Variants in LRRC75A observed in about 807,000 individuals in gnomAD.
LRRC75A encodes leucine-rich repeat-containing protein 75A.
Under a neutral mutation model 26.0 loss-of-function variants are expected in LRRC75A, and 12 were observed. The ratio of observed to expected loss-of-function variants is 0.46; its 90% CI spans 0.30 to 0.75. LRRC75A has a LOEUF of 0.75. Ranked by LOEUF, LRRC75A falls within the 30% of genes least tolerant of loss-of-function variation. LRRC75A has a pLI of 0.08. For missense variants in LRRC75A, 410 were observed against 486.6 expected (o/e 0.84, Z 1.48); for synonymous variants, 223 against 219.3 (o/e 1.02, Z -0.15).
chr17:16,474,206 T>G (rs895377451), intron 1 of LRRC75A, among the ~76,000 whole-genome samples: 1 of 152,152 alleles, frequency 6.6e-6, no homozygotes, highest in African/African-American at 2.4e-5. Context: ...TAAGTCACTG[T>G]GTGGCCCTGG....
At chr17:16,486,146 C>T (rs1403978119) in intron 1 of LRRC75A, among the ~76,000 whole-genome samples, 1 of 152,108 alleles carries the variant, frequency 6.6e-6, no homozygotes, top group Non-Finnish European at 1.5e-5. Flanking sequence ...GGCCTCTGCC[C>T]CAGAAAAGCA....
At chr17:16,444,165 CA>C in intron 3 of LRRC75A, 34 bp from the exon 4 acceptor site, 1 of 1,529,148 alleles carries the variant, frequency 6.5e-7, no homozygotes, top group Non-Finnish European at 8.8e-7. Context: ...GGCTCAGGCA[CA>C]TAGGGCAGGC....
chr17:16,450,380 T>C (rs11078343), intron 2 of LRRC75A, among the ~76,000 whole-genome samples: 29,433 of 152,182 alleles, frequency 0.19, 3,607 homozygotes, highest in Middle Eastern at 0.3. Flanking sequence ...GGCCCGAGAC[T>C]GAACAGAACG....
At chr17:16,485,669 T>TGTGTGTGTGTGTGTGTGTGTGTGTGTG (rs1555893680) in intron 1 of LRRC75A, among the ~76,000 whole-genome samples, 5 of 114,242 alleles carry the variant, frequency 4.4e-5, no homozygotes, top group African/African-American at 1.2e-4. Context: ...TGTGTGTGTG[T>TGTGTGTGTGTGTGTGTGTGTGTGTGTG]TCGTGTGTGT....
At chr17:16,469,004 G>A (rs2093790205) in intron 1 of LRRC75A, among the ~76,000 whole-genome samples, 1 of 152,202 alleles carries the variant, frequency 6.6e-6, no homozygotes, top group Non-Finnish European at 1.5e-5. Flanking sequence ...GCCACCATGT[G>A]TCTAGTGGCG....
chr17:16,447,303 G>A (rs1424034419), intron 3 of LRRC75A, among the ~76,000 whole-genome samples: 1 of 149,796 alleles, frequency 6.7e-6, no homozygotes, highest in Non-Finnish European at 1.5e-5. Context: ...TCCCCCTGGG[G>A]ACATCTGAGA....
At chr17:16,465,760 G>A (rs73980141) in intron 1 of LRRC75A, among the ~76,000 whole-genome samples, 4,422 of 152,284 alleles carry the variant, frequency 0.029, 202 homozygotes, top group African/African-American at 0.1. Flanking sequence ...GTCTCCCCGC[G>A]CCATCCCCCT....
intron 1 of LRRC75A, among the ~76,000 whole-genome samples, chr17:16,475,079 T>C (rs1314721834): frequency 4.6e-5 from 7 of 151,858 alleles, no homozygotes; most frequent in Admixed American, 2.6e-4. Context: ...AGGAACGACT[T>C]AGAGGATCCT....
At chr17:16,483,506 T>C (rs1317575678) in intron 1 of LRRC75A, among the ~76,000 whole-genome samples, 5 of 152,168 alleles carry the variant, frequency 3.3e-5, no homozygotes, top group Non-Finnish European at 7.3e-5. Flanking sequence ...TGAATCTGGC[T>C]CAGGGCCTGG....
At chr17:16,460,785 C>T (rs893369713) in intron 2 of LRRC75A, 11 of 152,332 alleles carry the variant, frequency 7.2e-5, no homozygotes, top group African/African-American at 2.7e-4. Context: ...CATCGCCTTT[C>T]ACCCTCTCAT....
Position 16,447,765 on chromosome 17 carries a change from C to T in LRRC75A, c.491+80G>A, listed in dbSNP as rs1234503096. On this transcript the variant is annotated intron_variant, in intron 3 of 3. Coordinates refer to ENST00000470794, the MANE Select transcript of LRRC75A (RefSeq NM_001113567.3). ...ACCACCCCCCATGACTCCGCCCTTC[C>T]CTTCCCTACATCCCTGGGAGGGGTG... 2.0e-5 allele frequency: 22 copies of T among 1,112,720 alleles called. No homozygotes were observed. In the Admixed American group the frequency reaches 5.4e-4, roughly 27 times the overall value. 68.9% of individuals were successfully genotyped at this position (1,112,720 alleles called of 1,614,324 possible).
Position 16,442,816 on chromosome 17 carries a change from G to A in LRRC75A, c.*772C>T, listed in dbSNP as rs2093543602. The A allele has an allele frequency of 6.6e-6, 1 of 152,242 alleles. No individual in the cohort carries two copies. Among genetic ancestry groups the A allele is most frequent in the East Asian group, 1.9e-4 (1 of 5,190 alleles). The allele number at this position is 152,242 out of a possible 1,614,324, so 9.4% of individuals were successfully genotyped here. A position where few individuals can be genotyped will look rare whatever the true frequency, so the allele number is the denominator to read the frequency against. On this transcript the variant is annotated 3_prime_UTR_variant, in exon 4 of 4. Transcript: ENST00000470794. Reference sequence around the variant, plus strand: ...TACCCTGCATGCTAAGGACATCAGAGCCCACATAGAAGTCTGGTAGTTTTT... The same window carrying A: ...TACCCTGCATGCTAAGGACATCAGAACCCACATAGAAGTCTGGTAGTTTTT...
chr17:16,481,190 T>A (rs1417053780), intron 1 of LRRC75A, among the ~76,000 whole-genome samples: 1 of 152,132 alleles, frequency 6.6e-6, no homozygotes, highest in Non-Finnish European at 1.5e-5. Context: ...CCAGGACCAT[T>A]GCCAGGAGAG....
chr17:16,490,532 C>G (rs1156614036), intron 1 of LRRC75A, among the ~76,000 whole-genome samples: 1 of 152,136 alleles, frequency 6.6e-6, no homozygotes, highest in African/African-American at 2.4e-5. Context: ...TCCCAAGTCC[C>G]CTCGTCTCTG....
chr17:16,469,554 G>A (rs1247001603), intron 1 of LRRC75A, among the ~76,000 whole-genome samples: 2 of 152,198 alleles, frequency 1.3e-5, no homozygotes, highest in African/African-American at 4.8e-5. Flanking sequence ...CTTGGGTTGG[G>A]ACTGAGTCCA....
At position 16,462,475 on chromosome 17, in the gene LRRC75A, G is replaced by A. The variant is rs2093735396; in HGVS notation, c.247-89C>T. The A allele has an allele frequency of 1.3e-6, 2 of 1,549,816 alleles. No homozygotes were observed. Among genetic ancestry groups the A allele is most frequent in the Non-Finnish European group, 1.7e-6 (2 of 1,145,862 alleles). On this transcript the variant is annotated intron_variant, in intron 1 of 3. Transcript: ENST00000470794. This position sits in a 1 kb window ranked among gnomAD's most constrained non-coding sequence, Gnocchi z 4.6. Reference sequence around the variant, plus strand: ...CAAGAGAAGTAGGCACAGACCCCTAGAGGCGACTCTGCCTCCCAGAGCCCC... The same window carrying A: ...CAAGAGAAGTAGGCACAGACCCCTAAAGGCGACTCTGCCTCCCAGAGCCCC...
At chr17:16,446,830 C>T in intron 3 of LRRC75A, 1 of 262,268 alleles carries the variant, frequency 3.8e-6, no homozygotes, top group Non-Finnish European at 7.8e-6. Flanking sequence ...ATATATGTCC[C>T]CTCTACCCAG....
At position 16,442,670 on chromosome 17, in the gene LRRC75A, G is replaced by T. The variant is rs2093541794; in HGVS notation, c.*918C>A. ...AAGGTTTTAAAGCCCACCTTCTGCA[G>T]TCGGTTTTCTGGAATGTGTTGGTGG... On this transcript the variant is annotated 3_prime_UTR_variant, in exon 4 of 4. Coordinates refer to ENST00000470794, the MANE Select transcript of LRRC75A (RefSeq NM_001113567.3). 3 of 152,134 alleles carry T rather than the reference G, an allele frequency of 2.0e-5. No homozygotes were observed. The highest frequency in any genetic ancestry group is 6.5e-5 in the Admixed American group (1 of 15,288). The allele number at this position is 152,134 out of a possible 1,614,324, so 9.4% of individuals were successfully genotyped here.
At chr17:16,469,140 C>A (rs1281039510) in intron 1 of LRRC75A, among the ~76,000 whole-genome samples, 1 of 152,158 alleles carries the variant, frequency 6.6e-6, no homozygotes, top group Non-Finnish European at 1.5e-5. Context: ...TTTTGGTATT[C>A]TGTGCATGAT....
Sources: allele counts gnomAD v4.1 joint callset (sites outside exome capture counted in the v4.1 genomes callset), GRCh38; gene constraint gnomAD v4.1.1; non-coding constraint Gnocchi (gnomAD v3.1); transcripts MANE v1.5; gene names NCBI Gene and HGNC (gene_info 2026-07-23, HGNC 2026-07-21).